Variants in LRRC37A2 observed in about 807,000 individuals in gnomAD.
LRRC37A2 encodes the protein leucine-rich repeat-containing protein 37A2.
Under a neutral mutation model 68.8 loss-of-function variants are expected in LRRC37A2, and 9 were observed. The observed-to-expected ratio is 0.13, with a 90% CI of 0.08 to 0.23. The LOEUF is 0.23. LRRC37A2 is among the 10% of genes least tolerant of loss of function. The pLI is 1.00. For synonymous variants in LRRC37A2, 63 were observed against 367.6 expected (o/e 0.17, Z 9.48); for missense variants, 168 against 950.4 (o/e 0.18, Z 10.82).
the LRRC37A2 span, chr17:46,984,159 A>C: frequency 6.6e-6 from 1 of 152,246 alleles, no homozygotes; most frequent in Non-Finnish European, 1.5e-5. Flanking sequence ...GACTTGTAGA[A>C]AGAAACAAGT....
chr17:46,812,610 C>T, the LRRC37A2 span, among the ~76,000 whole-genome samples: 1 of 152,128 alleles, frequency 6.6e-6, no homozygotes, highest in African/African-American at 2.4e-5. Flanking sequence ...CCTTCTCTAC[C>T]CTGCCCTCCC....
chr17:46,977,272 C>T, the LRRC37A2 span, among the ~76,000 whole-genome samples: 76 of 152,316 alleles, frequency 5.0e-4, 1 homozygote, highest in African/African-American at 1.8e-3. Flanking sequence ...TTCTTCACTC[C>T]CACCCACAGC....
the LRRC37A2 span, among the ~76,000 whole-genome samples, chr17:46,845,537 CA>C: frequency 6.8e-6 from 1 of 148,100 alleles, no homozygotes; most frequent in Non-Finnish European, 1.5e-5. Context: ...TCACCCTGGC[CA>C]GAGTGCAGTG....
chr17:46,924,165 C>A, the LRRC37A2 span: 126 of 296,620 alleles, frequency 4.2e-4, 1 homozygote, highest in East Asian at 5.9e-3. Flanking sequence ...TGTTTTACTT[C>A]TCTCTATGAG....
chr17:47,048,216 A>G, the LRRC37A2 span, among the ~76,000 whole-genome samples: 1 of 150,744 alleles, frequency 6.6e-6, no homozygotes, highest in Admixed American at 6.6e-5. Flanking sequence ...CCCCAAGCCC[A>G]TGCTTCTTCC....
the LRRC37A2 span, among the ~76,000 whole-genome samples, chr17:46,812,304 T>C: frequency 6.6e-6 from 1 of 152,134 alleles, no homozygotes; most frequent in Non-Finnish European, 1.5e-5. Context: ...GTCTGGCCCC[T>C]GCTGCCTCCC....
the LRRC37A2 span, among the ~76,000 whole-genome samples, chr17:47,030,970 A>C: frequency 1.3e-5 from 2 of 152,000 alleles, no homozygotes; most frequent in Non-Finnish European, 2.9e-5. Context: ...AGGCCCTTCC[A>C]AGGTCCTGGG....
the LRRC37A2 span, chr17:46,884,956 C>A: frequency 5.0e-6 from 2 of 399,696 alleles, no homozygotes; most frequent in Non-Finnish European, 4.9e-6. Context: ...TCCTGCAACC[C>A]ATCAAATAGT....
the LRRC37A2 span, among the ~76,000 whole-genome samples, chr17:46,712,839 G>C: frequency 6.6e-6 from 1 of 152,154 alleles, no homozygotes; most frequent in Non-Finnish European, 1.5e-5. Flanking sequence ...AAGAGAGAAT[G>C]TGTGTTACAG....
downstream of LRRC37A2, among the ~76,000 whole-genome samples, chr17:46,558,489 T>C (rs1278822093): frequency 8.4e-6 from 1 of 118,370 alleles, no homozygotes; most frequent in Non-Finnish European, 1.7e-5. Flanking sequence ...CAGGTTCAAG[T>C]GATTCTCCTG....
the LRRC37A2 span, among the ~76,000 whole-genome samples, chr17:46,963,092 T>C: frequency 6.6e-5 from 10 of 152,212 alleles, no homozygotes. Flanking sequence ...ACCACTGCAT[T>C]ATGTGGCCAA....
At chr17:46,932,089 G>C in the LRRC37A2 span, 1 of 1,613,678 alleles carries the variant, frequency 6.2e-7, no homozygotes, top group Non-Finnish European at 8.5e-7. Context: ...GTTAAAGTAT[G>C]ATGTCCAGCA....
At chr17:46,906,077 TC>T in the LRRC37A2 span, among the ~76,000 whole-genome samples, 1 of 152,130 alleles carries the variant, frequency 6.6e-6, no homozygotes, top group Non-Finnish European at 1.5e-5. Context: ...ACGAATGTGT[TC>T]CCTGCCTGTC....
the LRRC37A2 span, among the ~76,000 whole-genome samples, chr17:46,771,931 C>T: frequency 3.0e-4 from 44 of 146,552 alleles, 1 homozygote; most frequent in Admixed American, 2.6e-3. Flanking sequence ...TCGGGCCCGC[C>T]GCGCCGCCGC....
At chr17:47,038,386 AAGG>A in the LRRC37A2 span, among the ~76,000 whole-genome samples, 1 of 151,390 alleles carries the variant, frequency 6.6e-6, no homozygotes, top group Non-Finnish European at 1.5e-5. Flanking sequence ...GAGGCCAAGG[AAGG>A]AGGATTGCTT....
chr17:46,730,528 T>C, the LRRC37A2 span, among the ~76,000 whole-genome samples: 2 of 152,160 alleles, frequency 1.3e-5, no homozygotes, highest in East Asian at 1.9e-4. Context: ...CACACTAAGA[T>C]TTAAGAATAA....
At chr17:46,775,682 C>G in the LRRC37A2 span, among the ~76,000 whole-genome samples, 1 of 145,570 alleles carries the variant, frequency 6.9e-6, no homozygotes, top group East Asian at 2.0e-4. Flanking sequence ...GACGTGATCT[C>G]GGCTCACTGC....
chr17:46,971,169 C>A, the LRRC37A2 span, among the ~76,000 whole-genome samples: 4 of 152,208 alleles, frequency 2.6e-5, no homozygotes, highest in East Asian at 5.8e-4. Context: ...GAAAACCCAT[C>A]TCTACTAACA....
chr17:46,978,839 G>C, the LRRC37A2 span: 2 of 1,602,632 alleles, frequency 1.2e-6, no homozygotes, highest in Admixed American at 3.4e-5. Flanking sequence ...CGCTCGTCGG[G>C]CGCCAGCCCC....
Sources: allele counts gnomAD v4.1 joint callset (sites outside exome capture counted in the v4.1 genomes callset), GRCh38; gene constraint gnomAD v4.1.1; transcripts MANE v1.5; gene names NCBI Gene and HGNC (gene_info 2026-07-23, HGNC 2026-07-21).